Variants in DST observed in about 807,000 individuals in gnomAD.
DST encodes the protein bullous pemphigoid antigen.
A neutral mutation model predicts 875.2 loss-of-function variants in DST; 253 were observed. That is an observed-to-expected ratio of 0.29 (90% confidence interval 0.26 to 0.32). The LOEUF (loss-of-function observed/expected upper bound fraction) is 0.32, where lower values mean the gene tolerates loss of function less well. Ranked by LOEUF, DST falls within the 10% of genes least tolerant of loss-of-function variation. The pLI is 1.00. For synonymous variants in DST, 3,124 were observed against 3,197.1 expected (o/e 0.98, Z 0.77); for missense variants, 8,287 against 9,111.6 (o/e 0.91, Z 3.68).
At chr6:56,522,822 T>G (rs1210715719) in intron 69 of DST, among the ~76,000 whole-genome samples, 1 of 148,632 alleles carries the variant, frequency 6.7e-6, no homozygotes, top group East Asian at 1.9e-4. Flanking sequence ...TACTGACAGT[T>G]GTACATTATA....
At chr6:56,525,611 C>T (rs550695694) in intron 69 of DST, among the ~76,000 whole-genome samples, 1 of 152,322 alleles carries the variant, frequency 6.6e-6, no homozygotes, top group African/African-American at 2.4e-5. Context: ...ACAAGCTCTG[C>T]TCTAAAGTAC....
chr6:56,614,896 A>G, intron 36 of DST: 1 of 992,698 alleles, frequency 1.0e-6, no homozygotes. Flanking sequence ...AGGAAAATAC[A>G]CAGAATGAAG....
intron 9 of DST, among the ~76,000 whole-genome samples, chr6:56,677,960 C>G (rs544721041): frequency 4.7e-4 from 72 of 152,350 alleles, no homozygotes; most frequent in African/African-American, 1.6e-3. Context: ...ATGGCAATAA[C>G]TAAAATTCAG....
chr6:56,803,140 G>A (rs2099749205), intron 4 of DST, among the ~76,000 whole-genome samples: 1 of 152,116 alleles, frequency 6.6e-6, no homozygotes, highest in African/African-American at 2.4e-5. Context: ...TCCATATTTT[G>A]CAGGTGAGGA....
At chr6:56,585,581 T>C (rs184457518) in intron 49 of DST, among the ~76,000 whole-genome samples, 18 of 152,298 alleles carry the variant, frequency 1.2e-4, no homozygotes, top group Admixed American at 3.9e-4. Flanking sequence ...GGGTTCTTTG[T>C]GTCTCTATTT....
Position 56,473,787 on chromosome 6 carries a change from T to C in DST, c.21994+86A>G, listed in dbSNP as rs2095026622. The C allele has an allele frequency of 3.0e-6, 4 of 1,354,334 alleles. No homozygotes were observed. In the African/African-American group the frequency reaches 4.4e-5, roughly 15 times the overall value. 83.9% of individuals were successfully genotyped at this position (1,354,334 alleles called of 1,614,324 possible). The stretch of plus-strand genomic sequence containing the variant: ...TCAAGTGCTCATGTAAAATCACCAA[T>C]TGCCCCCAAATTTCAAATAATTCAA... On this transcript the variant is annotated intron_variant, in intron 93 of 103. Transcript: ENST00000680361.
chr6:56,679,313 A>G (rs1322925315), intron 9 of DST, among the ~76,000 whole-genome samples: 1 of 152,060 alleles, frequency 6.6e-6, no homozygotes, highest in Non-Finnish European at 1.5e-5. Context: ...ACCCTAAGCT[A>G]TAAATGTCTA....
At chr6:56,481,379 A>T (rs1032298335) in intron 90 of DST, among the ~76,000 whole-genome samples, 1 of 152,194 alleles carries the variant, frequency 6.6e-6, no homozygotes, top group Non-Finnish European at 1.5e-5. Flanking sequence ...TATTTGGATT[A>T]CTCTCTGAAG....
At chr6:56,860,227 C>G (rs1369905207) in intron 3 of DST, among the ~76,000 whole-genome samples, 1 of 151,932 alleles carries the variant, frequency 6.6e-6, no homozygotes, top group Non-Finnish European at 1.5e-5. Flanking sequence ...ACTTTGGAGC[C>G]CCTGGCATGA....
intron 22 of DST, among the ~76,000 whole-genome samples, chr6:56,637,290 G>A (rs898538183): frequency 2.0e-5 from 3 of 151,958 alleles, no homozygotes; most frequent in East Asian, 1.9e-4. Context: ...CTCTGGCTAC[G>A]GGAAAAAATA....
chr6:56,931,973 TGATTGGTTTTGAAATGTGAGGACAG>T (rs1004512048), intron 2 of DST, among the ~76,000 whole-genome samples: 2 of 152,056 alleles, frequency 1.3e-5, no homozygotes, highest in Non-Finnish European at 2.9e-5. Flanking sequence ...TGGGAAGGCA[TGATTGGTTTTGAAATGTGAGGACAG>T]GATTGGTTTT....
chr6:56,600,826 A>G (rs2098439380), intron 44 of DST, among the ~76,000 whole-genome samples: 1 of 152,082 alleles, frequency 6.6e-6, no homozygotes, highest in African/African-American at 2.4e-5. Flanking sequence ...TTTTCCTACT[A>G]TGTATACACT....
At chr6:56,924,357 G>T (rs1805896951) in intron 2 of DST, among the ~76,000 whole-genome samples, 1 of 152,134 alleles carries the variant, frequency 6.6e-6, no homozygotes, top group Admixed American at 6.5e-5. Flanking sequence ...TCTCCCTGGA[G>T]AGCCAGTTAT....
At chr6:56,556,712 C>A (rs2097426044) in intron 59 of DST, among the ~76,000 whole-genome samples, 1 of 152,188 alleles carries the variant, frequency 6.6e-6, no homozygotes, top group Admixed American at 6.5e-5. Flanking sequence ...TTATGCCTGA[C>A]TGTAAAACAT....
chr6:56,700,164 G>A (rs924718823), intron 8 of DST, among the ~76,000 whole-genome samples: 7 of 152,218 alleles, frequency 4.6e-5, no homozygotes, highest in African/African-American at 9.6e-5. Flanking sequence ...GGTTGCGCAC[G>A]CACTCCTTAT....
intron 4 of DST, among the ~76,000 whole-genome samples, chr6:56,735,671 G>A (rs902410579): frequency 2.6e-5 from 4 of 152,000 alleles, no homozygotes; most frequent in African/African-American, 7.3e-5. Context: ...TAAGAGGAAG[G>A]GTTACTCCCA....
At chr6:56,616,745 C>A in intron 36 of DST, 1 of 1,614,194 alleles carries the variant, frequency 6.2e-7, no homozygotes, top group Non-Finnish European at 8.5e-7. Flanking sequence ...GATATGTTTA[C>A]CTTTTTGTCT....
chr6:56,667,786 T>TTTAAG (rs2099079149), intron 10 of DST, among the ~76,000 whole-genome samples: 1 of 151,752 alleles, frequency 6.6e-6, no homozygotes. Flanking sequence ...AAATGAAATA[T>TTTAAG]TTAAGTACTT....
At chr6:56,651,109 A>G in intron 11 of DST, 23 bp downstream of exon 11, 7 of 1,592,932 alleles carry the variant, frequency 4.4e-6, no homozygotes, top group South Asian at 1.1e-5. Flanking sequence ...GCCAGTCCAC[A>G]TATAATCAAG....
Sources: allele counts gnomAD v4.1 joint callset (sites outside exome capture counted in the v4.1 genomes callset), GRCh38; gene constraint gnomAD v4.1.1; transcripts MANE v1.5; gene names NCBI Gene and HGNC (gene_info 2026-07-23, HGNC 2026-07-21).